DGKE: variants seen among roughly 807,000 people sequenced by gnomAD.
DGKE encodes DAG kinase epsilon.
Under a neutral mutation model 70.0 loss-of-function variants are expected in DGKE, and 53 were observed. That is an observed-to-expected ratio of 0.76 (90% CI 0.61 to 0.95). The LOEUF (loss-of-function observed/expected upper bound fraction) is 0.95. Ranked by LOEUF, DGKE falls within the 40% of genes least tolerant of loss-of-function variation. The pLI is 0.00. For synonymous variants in DGKE, 291 were observed against 257.0 expected (o/e 1.13, Z -1.27); for missense variants, 655 against 706.9 (o/e 0.93, Z 0.83).
intron 1 of DGKE, among the ~76,000 whole-genome samples, chr17:56,834,464 C>T (rs888477971): frequency 6.6e-6 from 1 of 152,238 alleles, no homozygotes; most frequent in South Asian, 2.1e-4. Context: ...GGCAGCTTGC[C>T]CCTGTATGTT....
In DGKE at chr17:56,845,760, T is replaced by C. The variant is rs754556879; in HGVS notation, c.695T>C (p.Met232Thr). The C allele has an allele frequency of 2.5e-6, 4 of 1,612,560 alleles. No homozygotes were observed. The highest frequency in any genetic ancestry group is 3.3e-5 in the Admixed American group (2 of 59,874). ...GCCAACTCTCGTAGTGGAACTAATA[T>C]GGGAGAAGGACTGTTGGGAGAATTT... ...ILANSRSGTN[M>T]GEGLLGEFRI... The change falls in exon 4 of 12, where the codon ATG becomes ACG. Residue 232 changes from methionine (M) to threonine (T), a missense_variant. By Grantham distance (81) the Met-to-Thr change is moderately conservative. Transcript: ENST00000284061.
intron 3 of DGKE, among the ~76,000 whole-genome samples, chr17:56,845,108 C>A (rs921591823): frequency 6.6e-6 from 1 of 152,084 alleles, no homozygotes; most frequent in Non-Finnish European, 1.5e-5. Context: ...AGAATAACTT[C>A]ATTAATGGTT....
Position 56,867,476 on chromosome 17 carries a change from G to C in DGKE, c.*4685G>C, listed in dbSNP as rs1226707950. On this transcript the variant is annotated 3_prime_UTR_variant, in exon 12 of 12. Transcript: ENST00000284061. ...AAATTAGCCAGGTACATTGGCACAT[G>C]CCTTTAATCCCAGCTAATCAGGAGG... is the stretch of plus-strand genomic sequence containing the variant. 1 of 152,176 alleles carries C rather than the reference G, an allele frequency of 6.6e-6. No individual in the cohort carries two copies. The highest frequency in any genetic ancestry group is 1.5e-5 in the Non-Finnish European group (1 of 68,072). 9.4% of individuals were successfully genotyped at this position (152,176 alleles called of 1,614,324 possible).
intron 1 of DGKE, 38 bp from the exon 2 acceptor site, chr17:56,834,740 C>T (rs1349648269): frequency 4.3e-5 from 65 of 1,515,016 alleles, no homozygotes; most frequent in African/African-American, 6.9e-5. Context: ...GAAGGGATGG[C>T]GAGCTCGGGG....
chr17:56,855,163 A>G (rs1907870597), intron 7 of DGKE, among the ~76,000 whole-genome samples: 2 of 148,232 alleles, frequency 1.3e-5, no homozygotes, highest in African/African-American at 5.0e-5. Context: ...GTACATTGAC[A>G]TATTTTATTT....
intron 7 of DGKE, among the ~76,000 whole-genome samples, chr17:56,855,788 G>A (rs1907905371): frequency 6.6e-6 from 1 of 152,046 alleles, no homozygotes; most frequent in African/African-American, 2.4e-5. Context: ...GGCGAATCAC[G>A]AGGTCAGGAG....
At chr17:56,840,349 T>G (rs1279329380) in intron 2 of DGKE, among the ~76,000 whole-genome samples, 1 of 152,040 alleles carries the variant, frequency 6.6e-6, no homozygotes, top group Non-Finnish European at 1.5e-5. Flanking sequence ...ATGGGTAGAT[T>G]AATGCAGTAG....
chr17:56,850,008 TTATC>T (rs1471477033), intron 7 of DGKE, among the ~76,000 whole-genome samples: 2 of 152,198 alleles, frequency 1.3e-5, no homozygotes, highest in Non-Finnish European at 1.5e-5. Context: ...ACATCCCTAT[TTATC>T]AGCCTTTGAA....
intron 2 of DGKE, among the ~76,000 whole-genome samples, chr17:56,842,030 A>C (rs1907014318): frequency 6.6e-6 from 1 of 152,182 alleles, no homozygotes; most frequent in South Asian, 2.1e-4. Flanking sequence ...ATGATGTAAT[A>C]ATATACATTC....
chr17:56,861,685 C>T, intron 9 of DGKE, 106 bp from the exon 10 acceptor site: 2 of 1,471,038 alleles, frequency 1.4e-6, no homozygotes, highest in African/African-American at 1.4e-5. Context: ...TCTACATGTG[C>T]ATCTCTCATA....
intron 7 of DGKE, among the ~76,000 whole-genome samples, chr17:56,849,886 T>C (rs148725414): frequency 1.9e-4 from 29 of 152,322 alleles, no homozygotes; most frequent in Admixed American, 3.9e-4. Flanking sequence ...TTTAGGCTTA[T>C]TGCTCAGGAA....
chr17:56,835,008 C>T lies in DGKE; in HGVS notation c.213C>T (p.Pro71=), dbSNP rs778077040. The T allele has an allele frequency of 2.5e-6, 4 of 1,612,792 alleles. No homozygotes were observed. Among genetic ancestry groups the T allele is most frequent in the Admixed American group, 3.3e-5 (2 of 60,026 alleles). ...GCGACACGGACCTGTTCAGCCAGCC[C>T]ACCTACTGCTGCGTGTGCGCGCAGC... is the stretch of plus-strand genomic sequence containing the variant. The part of the protein sequence containing the change: ...GWRDTDLFSQ[P]TYCCVCAQHI... Residue 71 remains proline (P), a synonymous_variant, in exon 2 of 12, where the codon CCC becomes CCT. Transcript: ENST00000284061.
At chr17:56,847,896 A>G (rs745612503) in intron 4 of DGKE, 26 bp from the exon 5 acceptor site, 1 of 1,515,678 alleles carries the variant, frequency 6.6e-7, no homozygotes, top group Non-Finnish European at 8.9e-7. Flanking sequence ...GGATAAAAAT[A>G]ATTTGTCTTT....
chr17:56,836,794 C>T (rs1052583389), intron 2 of DGKE, among the ~76,000 whole-genome samples: 1 of 152,194 alleles, frequency 6.6e-6, no homozygotes. Context: ...CCACCACCTG[C>T]ATTAAACTTT....
chr17:56,839,338 C>G (rs1257183469), intron 2 of DGKE, among the ~76,000 whole-genome samples: 2 of 151,954 alleles, frequency 1.3e-5, no homozygotes, highest in East Asian at 3.9e-4. Flanking sequence ...AAGCTGTTAC[C>G]CAATGACATG....
intron 3 of DGKE, 123 bp from the exon 4 acceptor site, chr17:56,845,562 TATTGA>T: frequency 1.1e-6 from 1 of 930,328 alleles, no homozygotes; most frequent in Non-Finnish European, 1.5e-6. Context: ...TTGATTTTTA[TATTGA>T]ATTGAGAGAA....
chr17:56,843,689 C>T lies in DGKE; in HGVS notation c.465-330C>T, dbSNP rs1907120242. On this transcript the variant is annotated intron_variant, in intron 2 of 11. Transcript: ENST00000284061. Reference sequence around the variant, plus strand: ...TAGCACGAACTTGTAATCCCAGCTACTTGGGAGACTAGGCAGAAGAATCAC... The same window carrying T: ...TAGCACGAACTTGTAATCCCAGCTATTTGGGAGACTAGGCAGAAGAATCAC... 2.0e-5 allele frequency among the ~76,000 whole-genome samples: 3 copies of T among 150,422 alleles called. No individual in the cohort carries two copies. The South Asian group carries it at 6.3e-4, about 32-fold the overall frequency.
At chr17:56,842,903 T>G (rs1450927149) in intron 2 of DGKE, among the ~76,000 whole-genome samples, 1 of 152,228 alleles carries the variant, frequency 6.6e-6, no homozygotes, top group Non-Finnish European at 1.5e-5. Context: ...TTTTACCAAT[T>G]GGGTCCAAAC....
intron 9 of DGKE, among the ~76,000 whole-genome samples, chr17:56,859,276 G>C (rs986229635): frequency 5.9e-5 from 9 of 151,458 alleles, no homozygotes; most frequent in Admixed American, 1.3e-4. Flanking sequence ...AGTGAGCCAA[G>C]ATCGCGACGC....
Sources: allele counts gnomAD v4.1 joint callset (sites outside exome capture counted in the v4.1 genomes callset), GRCh38; gene constraint gnomAD v4.1.1; transcripts MANE v1.5; gene names NCBI Gene and HGNC (gene_info 2026-07-23, HGNC 2026-07-21).